Variants in ABCC5 observed in about 807,000 individuals in gnomAD.
ABCC5 encodes ATP binding cassette subfamily C member 5.
ABCC5 carries 61 observed loss-of-function variants against 160.9 expected under a neutral mutation model. The observed-to-expected ratio is 0.38, with a 90% CI of 0.31 to 0.47. The LOEUF is 0.47. Among genes scored for constraint, ABCC5 ranks in the 20% least tolerant of loss-of-function variants. ABCC5 has a pLI of 0.99. For missense variants in ABCC5, 1,308 were observed against 1,813.3 expected, an observed-to-expected ratio of 0.72 and a Z score of 5.06; for synonymous variants, 666 against 700.6, an observed-to-expected ratio of 0.95 and a Z score of 0.78.
intron 27 of ABCC5, among the ~76,000 whole-genome samples, chr3:183,928,426 T>C (rs1014028845): frequency 6.6e-6 from 1 of 152,182 alleles, no homozygotes; most frequent in African/African-American, 2.4e-5. Context: ...TATATATCTT[T>C]TGCGTATATG....
At chr3:183,969,579 C>A (rs1356794975) in intron 11 of ABCC5, among the ~76,000 whole-genome samples, 1 of 151,746 alleles carries the variant, frequency 6.6e-6, no homozygotes, top group Non-Finnish European at 1.5e-5. Context: ...ATAATCCCAG[C>A]TACTCGGGAG....
chr3:183,983,925 G>A, intron 5 of ABCC5: 1 of 985,434 alleles, frequency 1.0e-6, no homozygotes, highest in Non-Finnish European at 1.2e-6. Flanking sequence ...TCCGACGGTT[G>A]TTTAACGACA....
chr3:183,928,595 C>G, intron 27 of ABCC5, 152 bp downstream of exon 27: 1 of 648,970 alleles, frequency 1.5e-6, no homozygotes, highest in Admixed American at 2.7e-5. Flanking sequence ...CAGCTTTTCC[C>G]AGGTATCTGA....
intron 14 of ABCC5, among the ~76,000 whole-genome samples, chr3:183,964,327 C>T (rs1272572113): frequency 6.6e-6 from 1 of 152,222 alleles, no homozygotes; most frequent in African/African-American, 2.4e-5. Flanking sequence ...AGTGTCTGCA[C>T]ATGTCACTGG....
In ABCC5 at chr3:183,971,625, T is replaced by C. The variant is rs1203055079; in HGVS notation, c.1699A>G (p.Ile567Val). 6.2e-7 allele frequency: 1 copy of C among 1,614,062 alleles called. No homozygotes were observed. Among genetic ancestry groups the C allele is most frequent in the Non-Finnish European group, 8.5e-7 (1 of 1,180,028 alleles). ...PSPEEEEGKH[I>V]HLGHLRLQRT... The stretch of plus-strand genomic sequence containing the variant: ...TGTAAGCGCAGGTGGCCCAGGTGGA[T>C]GTGCTTGCCTTCTTCCTCTTCGGGA... The change falls in exon 11 of 30, where the codon ATC becomes GTC. Residue 567 changes from isoleucine to valine, a missense_variant. By Grantham distance (29) the Ile-to-Val change is conservative (BLOSUM62 3). This residue lies in a region of ABCC5 where 1,142 missense variants were observed against 1,527.1 expected (regional missense o/e 0.75). Transcript: ENST00000334444.
In ABCC5 at chr3:183,927,341, G is replaced by A. The variant is rs1712687027; in HGVS notation, c.4036C>T (p.Arg1346Cys). 1 of 1,612,786 alleles carries A rather than the reference G, an allele frequency of 6.2e-7. No individual in the cohort carries two copies. Among genetic ancestry groups the A allele is most frequent in the African/African-American group, 1.3e-5 (1 of 74,878 alleles). ...CCAAACTGCCTTACCTTACAGTGGC[G>A]GAGCAGGGCTCTAGCTATGCACAAG... is the stretch of plus-strand genomic sequence containing the variant. ...QLLCIARALL[R>C]HCKILILDEA... Residue 1346 changes from arginine to cysteine, a missense_variant, in exon 28 of 30, where the codon CGC (arginine) becomes TGC (cysteine). By Grantham distance (180) the Arg-to-Cys change is radical. This residue lies in a region of ABCC5 where 163 missense variants were observed against 269.7 expected (regional missense o/e 0.60). Coordinates refer to ENST00000334444, the MANE Select transcript of ABCC5 (RefSeq NM_005688.4).
Position 183,993,961 on chromosome 3 carries a change from C to T in ABCC5, c.130-4578G>A, listed in dbSNP as rs1439193929. Reference sequence around the variant, plus strand: ...AATTTGTACTGGAATGGAGATCTCACTTTTTTTTTTTTTTTTTTTTGAGAC... The same window carrying T: ...AATTTGTACTGGAATGGAGATCTCATTTTTTTTTTTTTTTTTTTTTGAGAC... On this transcript the variant is annotated intron_variant, in intron 2 of 29. Transcript: ENST00000334444. Among the ~76,000 whole-genome samples the T allele has an allele frequency of 2.6e-4, 34 of 133,194 alleles. No homozygotes were observed. In the East Asian group the frequency reaches 4.9e-3, roughly 19 times the overall value. 87.4% of individuals were successfully genotyped at this position (133,194 alleles called of 152,430 possible). A position where few individuals can be genotyped will look rare whatever the true frequency, so the allele number is the denominator to read the frequency against.
At chr3:184,014,890 C>T (rs1175828325) in intron 1 of ABCC5, among the ~76,000 whole-genome samples, 1 of 151,888 alleles carries the variant, frequency 6.6e-6, no homozygotes, top group Non-Finnish European at 1.5e-5. Context: ...AAAAACTTAC[C>T]AAACACTTAT....
At position 184,000,853 on chromosome 3, in the gene ABCC5, C is replaced by G. The variant is rs73181526; in HGVS notation, c.130-11470G>C. 205 of 188,586 alleles carry G rather than the reference C, an allele frequency of 1.1e-3. 1 individual carries two copies. Among genetic ancestry groups the G allele is most frequent in the Non-Finnish European group, 1.9e-3 (172 of 92,464 alleles). 11.7% of individuals were successfully genotyped at this position (188,586 alleles called of 1,614,324 possible). On this transcript the variant is annotated intron_variant, in intron 2 of 29. Coordinates refer to ENST00000334444, the MANE Select transcript of ABCC5 (RefSeq NM_005688.4). ...TAATACAAAATCAATGGCTAACCTA[C>G]AGTAGATCAACACTCTAGTTCAGCA...
At chr3:183,924,307 A>G (rs1377471330) in intron 29 of ABCC5, among the ~76,000 whole-genome samples, 1 of 152,136 alleles carries the variant, frequency 6.6e-6, no homozygotes, top group Non-Finnish European at 1.5e-5. Flanking sequence ...GGCATGAGCC[A>G]CCGTGCCCGG....
At chr3:183,976,824 T>C (rs148409571) in intron 10 of ABCC5, among the ~76,000 whole-genome samples, 1 of 152,230 alleles carries the variant, frequency 6.6e-6, no homozygotes, top group African/African-American at 2.4e-5. Context: ...ATCAAGGAAT[T>C]CCAGCCCACA....
At chr3:183,960,988 T>C (rs895566813) in intron 16 of ABCC5, among the ~76,000 whole-genome samples, 1 of 152,186 alleles carries the variant, frequency 6.6e-6, no homozygotes, top group African/African-American at 2.4e-5. Flanking sequence ...GGTTTCTCTC[T>C]ATGTTGCCCA....
At chr3:184,015,237 ACT>A (rs1345931403) in intron 1 of ABCC5, among the ~76,000 whole-genome samples, 3 of 152,178 alleles carry the variant, frequency 2.0e-5, no homozygotes, top group African/African-American at 4.8e-5. Flanking sequence ...TTTACCTGAA[ACT>A]CTATTCTAAA....
intron 29 of ABCC5, among the ~76,000 whole-genome samples, chr3:183,924,573 A>G (rs1163928555): frequency 1.3e-5 from 2 of 152,172 alleles, no homozygotes; most frequent in African/African-American, 2.4e-5. Context: ...CCTCCAAATT[A>G]TTAATTTACT....
chr3:183,968,044 T>C (rs1479147791), intron 11 of ABCC5, among the ~76,000 whole-genome samples: 1 of 152,126 alleles, frequency 6.6e-6, no homozygotes, highest in Non-Finnish European at 1.5e-5. Flanking sequence ...GCCTCTTTCC[T>C]ATTCTGCTGC....
rs765178615 is a variant in ABCC5, at chr3:183,971,918, C to T, written c.1406G>A (p.Ser469Asn). The part of the protein sequence containing the change: ...EASVAVDRFK[S>N]LFLMEEVHMI... The stretch of plus-strand genomic sequence containing the variant: ...GTGAACCTCTTCCATTAGAAACAAA[C>T]TCTGATAGGAGTTGTGAGAGAGGTG... The change falls in exon 11 of 30, where the codon AGT becomes AAT. Residue 469 changes from serine to asparagine, a missense_variant and splice_region_variant. Ser to Asn is a conservative substitution (Grantham distance 46). Around this residue, in one of 3 missense-constraint regions of ABCC5, gnomAD observed 1,142 missense variants for 1,527.1 expected, o/e 0.75. Coordinates refer to ENST00000334444, the MANE Select transcript of ABCC5 (RefSeq NM_005688.4). 1 of 1,613,988 alleles carries T rather than the reference C, an allele frequency of 6.2e-7. No homozygotes were observed. The highest frequency in any genetic ancestry group is 8.5e-7 in the Non-Finnish European group (1 of 1,180,034).
intron 5 of ABCC5, chr3:183,985,164 T>C (rs1009055785): frequency 1.2e-6 from 1 of 835,768 alleles, no homozygotes; most frequent in African/African-American, 1.7e-5. Context: ...GAGGTTTTCA[T>C]GAAAAATCCA....
At chr3:184,000,698 G>C (rs1228779083) in intron 2 of ABCC5, 1 of 152,324 alleles carries the variant, frequency 6.6e-6, no homozygotes, top group African/African-American at 2.4e-5. Flanking sequence ...GCTACCAGCA[G>C]GGATTCAGGA....
At chr3:183,925,036 T>A (rs535726402) in intron 29 of ABCC5, among the ~76,000 whole-genome samples, 1 of 152,326 alleles carries the variant, frequency 6.6e-6, no homozygotes, top group South Asian at 2.1e-4. Context: ...AAGGCAAGGC[T>A]AGGGCCAGGC....
Sources: gnomAD v4.1 joint callset for allele counts (sites outside exome capture counted in the v4.1 genomes callset) on GRCh38, gnomAD v4.1.1 for gene constraint, gnomAD v4.1.1 regional missense constraint, MANE v1.5 for transcripts, NCBI Gene and HGNC (gene_info 2026-07-23, HGNC 2026-07-21) for gene names.